The following MSANTD4 variants were observed in gnomAD, a reference collection of about 807,000 sequenced individuals.
MSANTD4 encodes myb/SANT-like DNA-binding domain-containing protein 4.
Under a neutral mutation model 34.3 loss-of-function variants are expected in MSANTD4, and 13 were observed. The observed-to-expected ratio is 0.38, with a 90% CI of 0.25 to 0.60. The LOEUF (loss-of-function observed/expected upper bound fraction) is 0.60, where lower values mean the gene tolerates loss of function less well. Ranked by LOEUF, MSANTD4 falls within the 20% of genes least tolerant of loss-of-function variation. The probability of loss-of-function intolerance (pLI) is 0.63; values close to 1 mark genes in which losing one functional copy is unlikely to be tolerated. For missense variants in MSANTD4, 358 were observed against 401.8 expected (o/e 0.89, Z 0.93); for synonymous variants, 137 against 145.2 (o/e 0.94, Z 0.41).
chr11:106,020,110 T>G (rs1183756869), intron 1 of MSANTD4, among the ~76,000 whole-genome samples: 1 of 152,160 alleles, frequency 6.6e-6, no homozygotes, highest in South Asian at 2.1e-4. Flanking sequence ...AATGCAAATA[T>G]ACAAAAACTA....
At chr11:106,011,530 G>A (rs925706240) in intron 1 of MSANTD4, among the ~76,000 whole-genome samples, 1 of 152,112 alleles carries the variant, frequency 6.6e-6, no homozygotes, top group Admixed American at 6.5e-5. Flanking sequence ...CCGTTTCTCA[G>A]GGAAGCCTTT....
chr11:106,013,630 G>A (rs1859761060), intron 1 of MSANTD4, among the ~76,000 whole-genome samples: 1 of 152,210 alleles, frequency 6.6e-6, no homozygotes, highest in South Asian at 2.1e-4. Context: ...GGAGGCTGAG[G>A]CGGGCGGATT....
chr11:106,016,811 G>A (rs1264602698), intron 1 of MSANTD4, among the ~76,000 whole-genome samples: 1 of 151,922 alleles, frequency 6.6e-6, no homozygotes, highest in Non-Finnish European at 1.5e-5. Flanking sequence ...CAGCTAACAG[G>A]CTATATTGCT....
rs1859662256 is a variant in MSANTD4, at chr11:106,010,529, T to C, written c.389A>G (p.Asp130Gly). Residue 130 changes from aspartate (D) to glycine (G), a missense_variant, in exon 2 of 3, where the codon GAT becomes GGT. Physicochemically the swap from Asp to Gly is moderately conservative, Grantham distance 94. Coordinates refer to ENST00000301919, the MANE Select transcript of MSANTD4 (RefSeq NM_032424.3). ...DANFDWQNVADFRDAGGSLTE... is the reference protein window; with the variant it reads ...DANFDWQNVAGFRDAGGSLTE... ...TAAGGATCCACCTGCATCCCTGAAA[T>C]CTGCCACATTTTGCCAGTCAAAATT... is the stretch of plus-strand genomic sequence containing the variant. 1 of 1,614,200 alleles carries C rather than the reference T, an allele frequency of 6.2e-7. No homozygotes were observed. Among genetic ancestry groups the C allele is most frequent in the Non-Finnish European group, 8.5e-7 (1 of 1,180,018 alleles).
Position 106,010,514 on chromosome 11 carries a change from C to A in MSANTD4, c.404G>T (p.Gly135Val), listed in dbSNP as rs868633857. Reference sequence around the variant, plus strand: ...CACCTTGACCTCAGTTAAGGATCCACCTGCATCCCTGAAATCTGCCACATT... The same window carrying A: ...CACCTTGACCTCAGTTAAGGATCCAACTGCATCCCTGAAATCTGCCACATT... ...WQNVADFRDA[G>V]GSLTEVKVEE... The change falls in exon 2 of 3, where the codon GGT becomes GTT. Residue 135 changes from glycine (G) to valine (V), a missense_variant. Gly to Val is a moderately radical substitution (Grantham distance 109). Coordinates refer to ENST00000301919, the MANE Select transcript of MSANTD4 (RefSeq NM_032424.3). The A allele has an allele frequency of 5.6e-6, 9 of 1,614,202 alleles. No homozygotes were observed. Among genetic ancestry groups the A allele is most frequent in the Non-Finnish European group, 6.8e-6 (8 of 1,180,028 alleles).
intron 1 of MSANTD4, among the ~76,000 whole-genome samples, chr11:106,014,029 G>A (rs1020266387): frequency 6.6e-6 from 1 of 152,152 alleles, no homozygotes; most frequent in Non-Finnish European, 1.5e-5. Flanking sequence ...CGGAGACCTG[G>A]CCTGAAGAAT....
At chr11:106,015,234 C>T (rs369740559) in intron 1 of MSANTD4, among the ~76,000 whole-genome samples, 18 of 152,136 alleles carry the variant, frequency 1.2e-4, no homozygotes, top group East Asian at 5.8e-4. Context: ...TCAGACCACC[C>T]GGGTTAGAGT....
In MSANTD4 at chr11:106,010,447, A is replaced by T; in HGVS notation, c.462+9T>A. 2 of 1,604,174 alleles carry T rather than the reference A, an allele frequency of 1.2e-6. No individual in the cohort carries two copies. The highest frequency in any genetic ancestry group is 2.2e-5 in the South Asian group (2 of 89,476). Reference sequence around the variant, plus strand: ...AAGATTAAAAGAGGGTACAGAGGCTAATACTTACTTCAGGACTCTGCGGAT... The same window carrying T: ...AAGATTAAAAGAGGGTACAGAGGCTTATACTTACTTCAGGACTCTGCGGAT... On this transcript the variant is annotated intron_variant, in intron 2 of 2. Coordinates refer to ENST00000301919, the MANE Select transcript of MSANTD4 (RefSeq NM_032424.3).
In MSANTD4 at chr11:106,020,528, G is replaced by A. The variant is rs147047051; in HGVS notation, c.-151+434C>T. On this transcript the variant is annotated intron_variant, in intron 1 of 2. Coordinates refer to ENST00000301919, the MANE Select transcript of MSANTD4 (RefSeq NM_032424.3). The stretch of plus-strand genomic sequence containing the variant: ...GTCCAAATTTATGCAGATATCCACC[G>A]TAAGATTTTGCTCTTAGAATCTGAG... Among the ~76,000 whole-genome samples, 379 of 152,212 alleles carry A rather than the reference G, an allele frequency of 2.5e-3. 2 individuals carry two copies. The highest frequency in any genetic ancestry group is 0.012 in the South Asian group (59 of 4,828).
intron 1 of MSANTD4, among the ~76,000 whole-genome samples, chr11:106,020,389 A>G (rs1207975581): frequency 6.6e-6 from 1 of 152,232 alleles, no homozygotes; most frequent in African/African-American, 2.4e-5. Flanking sequence ...ATAACTGTGA[A>G]AGTTTTTTGA....
chr11:106,012,230 A>G (rs1859718744), intron 1 of MSANTD4, among the ~76,000 whole-genome samples: 1 of 152,096 alleles, frequency 6.6e-6, no homozygotes, highest in African/African-American at 2.4e-5. Flanking sequence ...TTCAAAGACT[A>G]GTGCACATTG....
chr11:106,010,511 C>T lies in MSANTD4; in HGVS notation c.407G>A (p.Gly136Glu). Residue 136 changes from glycine to glutamate, a missense_variant, in exon 2 of 3, where the codon GGA becomes GAA. Around this residue, in one of 2 missense-constraint regions of MSANTD4, gnomAD observed 312 missense variants for 317.6 expected, o/e 0.98. Transcript: ENST00000301919. ...TTCCACCTTGACCTCAGTTAAGGAT[C>T]CACCTGCATCCCTGAAATCTGCCAC... ...QNVADFRDAG[G>E]SLTEVKVEEE... The T allele has an allele frequency of 6.2e-7, 1 of 1,614,126 alleles. No individual in the cohort carries two copies. Among genetic ancestry groups the T allele is most frequent in the South Asian group, 1.1e-5 (1 of 91,076 alleles).
chr11:106,012,307 A>G (rs1859720579), intron 1 of MSANTD4, among the ~76,000 whole-genome samples: 1 of 152,082 alleles, frequency 6.6e-6, no homozygotes, highest in South Asian at 2.1e-4. Context: ...AAACCACCAA[A>G]CAAAAGCCCC....
chr11:106,015,707 C>CTT (rs759389399), intron 1 of MSANTD4, among the ~76,000 whole-genome samples: 2 of 144,566 alleles, frequency 1.4e-5, no homozygotes, highest in Admixed American at 7.0e-5. Flanking sequence ...CAAATTAGAA[C>CTT]TTTTTTTTTT....
chr11:106,009,609 G>C lies in MSANTD4; in HGVS notation c.964C>G (p.Leu322Val), dbSNP rs1295081745. The C allele has an allele frequency of 6.2e-7, 1 of 1,614,138 alleles. No homozygotes were observed. The highest frequency in any genetic ancestry group is 1.1e-5 in the South Asian group (1 of 91,064). ...LQFLKFESEK[L>V]QIEKERLQVE... The stretch of plus-strand genomic sequence containing the variant: ...TGTAAGCGTTCCTTTTCAATCTGCA[G>C]CTTCTCAGATTCAAACTTCAAAAAC... The change falls in exon 3 of 3, where the codon CTG (leucine) becomes GTG (valine). Residue 322 changes from leucine (L) to valine (V), a missense_variant. Transcript: ENST00000301919.
rs1217442230 is a variant in MSANTD4 at position 106,020,965 on chromosome 11, G to A, written c.-154C>T. 6.6e-6 allele frequency: 1 copy of A among 152,136 alleles called. No individual in the cohort carries two copies. The highest frequency in any genetic ancestry group is 1.9e-4 in the East Asian group (1 of 5,192). 9.4% of individuals were successfully genotyped at this position (152,136 alleles called of 1,614,324 possible). ...GAAGTTCTGTAGATATGCTTACCTG[G>A]ATAAAAGCCATTTCCAGAAATGTTT... On this transcript the variant is annotated 5_prime_UTR_variant, in exon 1 of 3. Coordinates refer to ENST00000301919, the MANE Select transcript of MSANTD4 (RefSeq NM_032424.3).
intron 1 of MSANTD4, among the ~76,000 whole-genome samples, chr11:106,015,793 T>C (rs1859827604): frequency 1.3e-5 from 2 of 152,180 alleles, no homozygotes; most frequent in South Asian, 4.1e-4. Context: ...TATTATCTAA[T>C]AAATAAAAGA....
intron 1 of MSANTD4, among the ~76,000 whole-genome samples, chr11:106,014,388 T>G (rs1489641113): frequency 6.6e-6 from 1 of 152,222 alleles, no homozygotes; most frequent in East Asian, 1.9e-4. Flanking sequence ...CACTGTTTGC[T>G]CAAATAAACT....
chr11:106,018,849 C>T (rs545353016), intron 1 of MSANTD4, among the ~76,000 whole-genome samples: 38 of 152,310 alleles, frequency 2.5e-4, no homozygotes, highest in Admixed American at 4.6e-4. Flanking sequence ...CTCTTGAGAA[C>T]CAAATTTTCT....
Sources: gnomAD v4.1 joint callset for allele counts (sites outside exome capture counted in the v4.1 genomes callset) on GRCh38, gnomAD v4.1.1 for gene constraint, gnomAD v4.1.1 regional missense constraint, MANE v1.5 for transcripts, NCBI Gene and HGNC (gene_info 2026-07-23, HGNC 2026-07-21) for gene names.